C7orf78: variants seen among roughly 807,000 people sequenced by gnomAD.
C7orf78 encodes the protein chromosome 7 open reading frame 78.
At chr7:12,486,319 G>C in the C7orf78 span, among the ~76,000 whole-genome samples, 11 of 151,990 alleles carry the variant, frequency 7.2e-5, no homozygotes, top group Admixed American at 2.6e-4. Context: ...GTTCATATGA[G>C]TCCTGTAAGT....
chr7:12,497,275 G>A, the C7orf78 span, among the ~76,000 whole-genome samples: 2 of 152,150 alleles, frequency 1.3e-5, no homozygotes, highest in African/African-American at 4.8e-5. Context: ...CCTGAGCGAC[G>A]CAGAAGACGG....
chr7:12,491,486 T>G, the C7orf78 span: 1 of 152,164 alleles, frequency 6.6e-6, no homozygotes, highest in Non-Finnish European at 1.5e-5. Context: ...CCAAAGTTAA[T>G]ACCTTGGCTG....
the C7orf78 span, among the ~76,000 whole-genome samples, chr7:12,514,179 A>G: frequency 2.0e-5 from 3 of 152,010 alleles, no homozygotes; most frequent in African/African-American, 7.3e-5. Context: ...ATTGGAATCT[A>G]TGTCTCTCTT....
At chr7:12,488,846 T>C in the C7orf78 span, among the ~76,000 whole-genome samples, 1 of 151,978 alleles carries the variant, frequency 6.6e-6, no homozygotes, top group African/African-American at 2.4e-5. Flanking sequence ...GAAATGTTTC[T>C]TGTAAAGTAT....
chr7:12,484,263 C>CT, the C7orf78 span, among the ~76,000 whole-genome samples: 3 of 152,048 alleles, frequency 2.0e-5, no homozygotes, highest in Non-Finnish European at 4.4e-5. Flanking sequence ...AAGTTGTATT[C>CT]TTTTTCTATT....
the C7orf78 span, among the ~76,000 whole-genome samples, chr7:12,517,453 A>G: frequency 6.6e-6 from 1 of 152,190 alleles, no homozygotes; most frequent in Non-Finnish European, 1.5e-5. Context: ...CTTTTCAGCT[A>G]TTATTCTGCT....
chr7:12,526,865 T>C, the C7orf78 span, among the ~76,000 whole-genome samples: 112 of 150,376 alleles, frequency 7.4e-4, no homozygotes, highest in African/African-American at 2.7e-3. Context: ...ATCTCTACTT[T>C]CCTAGTATAT....
chr7:12,500,559 A>G, the C7orf78 span, among the ~76,000 whole-genome samples: 1 of 150,616 alleles, frequency 6.6e-6, no homozygotes, highest in Admixed American at 6.6e-5. Flanking sequence ...ATAGACCAAT[A>G]ACAGGATCTG....
At chr7:12,526,040 C>T in the C7orf78 span, 2 of 381,734 alleles carry the variant, frequency 5.2e-6, no homozygotes, top group African/African-American at 4.2e-5. Flanking sequence ...TTTTAATGTC[C>T]TTTTAATTAT....
the C7orf78 span, chr7:12,523,233 G>A: frequency 9.5e-5 from 37 of 388,538 alleles, 1 homozygote; most frequent in South Asian, 3.8e-3. Context: ...GAAAAAAGGA[G>A]GAAAAAAATC....
At chr7:12,483,852 TG>T in the C7orf78 span, 1 of 125,014 alleles carries the variant, frequency 8.0e-6, no homozygotes, top group East Asian at 3.0e-4. Flanking sequence ...CACTCTAGCC[TG>T]GGCAATAAGA....
the C7orf78 span, among the ~76,000 whole-genome samples, chr7:12,532,753 A>G: frequency 6.6e-6 from 1 of 152,144 alleles, no homozygotes; most frequent in Non-Finnish European, 1.5e-5. Flanking sequence ...TTTGCATACA[A>G]TATAAAATAT....
At chr7:12,515,738 C>T in the C7orf78 span, among the ~76,000 whole-genome samples, 1 of 151,966 alleles carries the variant, frequency 6.6e-6, no homozygotes, top group East Asian at 1.9e-4. Context: ...GGAACTGGAG[C>T]AAAGGTGACT....
At chr7:12,508,566 C>T in the C7orf78 span, among the ~76,000 whole-genome samples, 1 of 152,114 alleles carries the variant, frequency 6.6e-6, no homozygotes, top group African/African-American at 2.4e-5. Context: ...CTCCAATGTA[C>T]TTTGATAGTT....
the C7orf78 span, among the ~76,000 whole-genome samples, chr7:12,503,857 C>G: frequency 1.0e-3 from 157 of 152,040 alleles, no homozygotes; most frequent in African/African-American, 3.4e-3. Context: ...CACCTGTAAT[C>G]CCATCAATTT....
chr7:12,484,955 T>C, the C7orf78 span, among the ~76,000 whole-genome samples: 1 of 152,212 alleles, frequency 6.6e-6, no homozygotes, highest in Non-Finnish European at 1.5e-5. Context: ...CTAATTTATA[T>C]TTTGCGTCTT....
the C7orf78 span, among the ~76,000 whole-genome samples, chr7:12,501,025 C>T: frequency 6.6e-6 from 1 of 151,594 alleles, no homozygotes; most frequent in African/African-American, 2.4e-5. Flanking sequence ...TGACAAAATT[C>T]AACAACACTT....
chr7:12,523,548 G>A, the C7orf78 span: 1 of 394,308 alleles, frequency 2.5e-6, no homozygotes, highest in Admixed American at 4.4e-5. Context: ...TGTATATAAT[G>A]TGTATAATGC....
the C7orf78 span, among the ~76,000 whole-genome samples, chr7:12,490,128 GGTTA>G: frequency 1.3e-5 from 2 of 152,004 alleles, no homozygotes. Flanking sequence ...TTTTTTGAGT[GGTTA>G]GTATCACCCA....
Sources: gnomAD v4.1 joint callset for allele counts (sites outside exome capture counted in the v4.1 genomes callset) on GRCh38, gnomAD v4.1.1 for gene constraint, MANE v1.5 for transcripts, NCBI Gene and HGNC (gene_info 2026-07-23, HGNC 2026-07-21) for gene names.